FBXL17: variants seen among roughly 807,000 people sequenced by gnomAD.
FBXL17 encodes the protein F-box/LRR-repeat protein 17.
A neutral mutation model predicts 66.2 loss-of-function variants in FBXL17; 22 were observed. That is an observed-to-expected ratio of 0.33 (90% CI 0.24 to 0.47). The LOEUF (loss-of-function observed/expected upper bound fraction) is 0.47, where lower values mean the gene tolerates loss of function less well. FBXL17 is among the 20% of genes least tolerant of loss of function. FBXL17 has a pLI of 1.00. For missense variants in FBXL17, 878 were observed against 948.2 expected (o/e 0.93, Z 0.97); for synonymous variants, 474 against 400.5 (o/e 1.18, Z -2.19).
rs1257432872 is a variant in FBXL17, at chr5:107,859,627, T to G, written c.*2093A>C. 8.2e-6 allele frequency: 1 copy of G among 122,036 alleles called. No individual in the cohort carries two copies. Among genetic ancestry groups the G allele is most frequent in the Non-Finnish European group, 1.6e-5 (1 of 63,662 alleles). The allele number at this position is 122,036 out of a possible 1,614,324, so 7.6% of individuals were successfully genotyped here. ...TCAAACAATGCAACATTTAAAAAAA[T>G]CAATTATACATTCTGAAACCATTTG... On this transcript the variant is annotated 3_prime_UTR_variant, in exon 9 of 9. Coordinates refer to ENST00000542267, the MANE Select transcript of FBXL17 (RefSeq NM_001163315.3).
chr5:107,994,814 GGAGA>G (rs1294388011), intron 7 of FBXL17, among the ~76,000 whole-genome samples: 4 of 151,926 alleles, frequency 2.6e-5, no homozygotes, highest in African/African-American at 9.7e-5. Flanking sequence ...CTCCAGCCTG[GGAGA>G]GAGAGAGTGA....
At chr5:108,139,008 G>A (rs1751250544) in intron 6 of FBXL17, among the ~76,000 whole-genome samples, 1 of 152,186 alleles carries the variant, frequency 6.6e-6, no homozygotes, top group Non-Finnish European at 1.5e-5. Context: ...TCATTTATCA[G>A]GAGTAATCTT....
chr5:107,881,212 T>A (rs1279903243), intron 7 of FBXL17, 33 bp from the exon 8 acceptor site: 1 of 1,389,242 alleles, frequency 7.2e-7, no homozygotes, highest in Non-Finnish European at 1.0e-6. Context: ...AGCATTAATG[T>A]TAGCAGTGTA....
chr5:107,946,452 G>A (rs1371007465), intron 7 of FBXL17, among the ~76,000 whole-genome samples: 1 of 134,912 alleles, frequency 7.4e-6, no homozygotes, highest in Non-Finnish European at 1.6e-5. Context: ...CACCACACCT[G>A]CCAATTATTA....
At chr5:108,132,991 G>A (rs777005242) in intron 6 of FBXL17, among the ~76,000 whole-genome samples, 1 of 152,174 alleles carries the variant, frequency 6.6e-6, no homozygotes, top group Non-Finnish European at 1.5e-5. Context: ...CCTTCAAAGA[G>A]AGAAATGGAA....
chr5:108,358,492 G>C (rs1375727400), intron 3 of FBXL17, among the ~76,000 whole-genome samples: 1 of 151,848 alleles, frequency 6.6e-6, no homozygotes, highest in African/African-American at 2.4e-5. Context: ...TACATTGATT[G>C]ATATTTGTAT....
At chr5:107,946,937 C>T (rs1209000012) in intron 7 of FBXL17, among the ~76,000 whole-genome samples, 1 of 151,770 alleles carries the variant, frequency 6.6e-6, no homozygotes, top group Non-Finnish European at 1.5e-5. Context: ...TTTCATATAC[C>T]TTTTTGTTTT....
At chr5:107,889,008 G>C (rs1749101065) in intron 7 of FBXL17, among the ~76,000 whole-genome samples, 1 of 151,920 alleles carries the variant, frequency 6.6e-6, no homozygotes, top group South Asian at 2.1e-4. Context: ...TTGGTAATGT[G>C]TCTCTCTTGG....
intron 4 of FBXL17, among the ~76,000 whole-genome samples, chr5:108,345,914 A>C (rs1189973150): frequency 6.6e-6 from 1 of 152,144 alleles, no homozygotes; most frequent in Non-Finnish European, 1.5e-5. Context: ...CTTTTTGAGA[A>C]TATTCAGTTT....
intron 7 of FBXL17, among the ~76,000 whole-genome samples, chr5:108,009,267 A>T (rs1162357620): frequency 6.5e-5 from 3 of 46,014 alleles, no homozygotes; most frequent in African/African-American, 3.0e-4. Context: ...TGTTTTATAT[A>T]TATATATATA....
chr5:108,022,131 G>A (rs1017368864), intron 6 of FBXL17, among the ~76,000 whole-genome samples: 8 of 151,734 alleles, frequency 5.3e-5, no homozygotes, highest in African/African-American at 1.9e-4. Context: ...ATGGAATTTT[G>A]TTTTAATGGA....
intron 6 of FBXL17, among the ~76,000 whole-genome samples, chr5:108,108,347 G>A (rs907533180): frequency 6.6e-6 from 1 of 152,056 alleles, no homozygotes; most frequent in Non-Finnish European, 1.5e-5. Flanking sequence ...CTAACAATAG[G>A]GAAATCAACA....
chr5:108,001,455 A>G (rs949895436), intron 7 of FBXL17, among the ~76,000 whole-genome samples: 3 of 152,168 alleles, frequency 2.0e-5, no homozygotes, highest in Non-Finnish European at 4.4e-5. Flanking sequence ...AATTAAAAAT[A>G]TATTTATTTG....
At chr5:108,155,730 T>C (rs1751969745) in intron 6 of FBXL17, among the ~76,000 whole-genome samples, 3 of 151,932 alleles carry the variant, frequency 2.0e-5, no homozygotes, top group Admixed American at 6.5e-5. Context: ...TGTAAACGCC[T>C]AAAATGCCAT....
chr5:108,364,906 A>G lies in FBXL17; in HGVS notation c.1206T>C (p.Asn402=), dbSNP rs376339559. ...ATTTAAATGCTAAAACACATACGCC[A>G]TTATCAGACATACTGCGACAATCAG... The part of the protein sequence containing the change: ...NISDCRSMSD[N]GVCVLAFKCP... The change falls in exon 3 of 9, where the codon AAT becomes AAC. Residue 402 remains asparagine (N), a synonymous_variant. Transcript: ENST00000542267. 215 of 1,612,816 alleles carry G rather than the reference A, an allele frequency of 1.3e-4. No individual in the cohort carries two copies. Among genetic ancestry groups the G allele is most frequent in the Non-Finnish European group, 1.7e-4 (203 of 1,179,140 alleles).
chr5:108,275,226 T>C (rs914134110), intron 4 of FBXL17, among the ~76,000 whole-genome samples: 1 of 152,108 alleles, frequency 6.6e-6, no homozygotes, highest in East Asian at 1.9e-4. Context: ...GCAATGAGAG[T>C]CTGGTTGACT....
At chr5:108,193,935 C>A (rs1753572120) in intron 5 of FBXL17, among the ~76,000 whole-genome samples, 1 of 152,034 alleles carries the variant, frequency 6.6e-6, no homozygotes, top group African/African-American at 2.4e-5. Context: ...TTTATTCATT[C>A]TGTTTTGCTT....
intron 1 of FBXL17, among the ~76,000 whole-genome samples, chr5:108,371,128 G>C (rs555839160): frequency 6.6e-6 from 1 of 152,306 alleles, no homozygotes; most frequent in Non-Finnish European, 1.5e-5. Flanking sequence ...GAGAAGACTT[G>C]ATTTTTGGTT....
intron 7 of FBXL17, among the ~76,000 whole-genome samples, chr5:107,891,022 T>C (rs186063167): frequency 6.6e-6 from 1 of 152,320 alleles, no homozygotes; most frequent in African/African-American, 2.4e-5. Flanking sequence ...ATTTTTCAGA[T>C]GGCAATAATT....
Sources: gnomAD v4.1 joint callset for allele counts (sites outside exome capture counted in the v4.1 genomes callset) on GRCh38, gnomAD v4.1.1 for gene constraint, MANE v1.5 for transcripts, NCBI Gene and HGNC (gene_info 2026-07-23, HGNC 2026-07-21) for gene names.